Variants in LINGO2 observed in about 807,000 individuals in gnomAD.
The protein encoded by LINGO2 is leucine-rich repeat and immunoglobulin-like domain-containing nogo receptor-interacting protein 2.
In LINGO2, 14 loss-of-function variants were observed where a neutral mutation model predicts 30.6. That is an observed-to-expected ratio of 0.46 (90% CI 0.30 to 0.72). LINGO2 has a LOEUF of 0.72. LINGO2 is among the 30% of genes least tolerant of loss of function. The pLI, the probability that LINGO2 is intolerant of heterozygous loss-of-function variation, is 0.07. For synonymous variants in LINGO2, 317 were observed against 288.5 expected (o/e 1.10, Z -1.00); for missense variants, 729 against 751.7 (o/e 0.97, Z 0.35).
chr9:28,771,506 T>TGAGAGAGA, the LINGO2 span, among the ~76,000 whole-genome samples: 1 of 95,034 alleles, frequency 1.1e-5, no homozygotes, highest in African/African-American at 3.3e-5. Flanking sequence ...TGTGTGTGTG[T>TGAGAGAGA]GAGAGAGAGA....
At chr9:28,732,754 C>T in the LINGO2 span, among the ~76,000 whole-genome samples, 14 of 152,138 alleles carry the variant, frequency 9.2e-5, no homozygotes, top group African/African-American at 3.4e-4. Context: ...CTGTTGTTCT[C>T]GATATAATTG....
At chr9:28,267,381 G>T (rs959277669) in intron 4 of LINGO2, among the ~76,000 whole-genome samples, 2 of 151,732 alleles carry the variant, frequency 1.3e-5, no homozygotes, top group East Asian at 1.9e-4. Flanking sequence ...AAAACAAAAC[G>T]CAATAAAATA....
chr9:28,979,663 C>T, the LINGO2 span, among the ~76,000 whole-genome samples: 1 of 151,832 alleles, frequency 6.6e-6, no homozygotes, highest in Non-Finnish European at 1.5e-5. Flanking sequence ...CTATGCCATA[C>T]TCATATGAAA....
the LINGO2 span, among the ~76,000 whole-genome samples, chr9:29,130,380 C>G: frequency 2.6e-5 from 4 of 152,066 alleles, no homozygotes; most frequent in African/African-American, 7.2e-5. Context: ...CAAGGGGTTG[C>G]TGAGGTTCTC....
In LINGO2 at chr9:28,632,877, TATGTAGAGAGAGAG is replaced by T. The variant is rs1563879201; in HGVS notation, c.-365+37309_-365+37322del. Among the ~76,000 whole-genome samples the T allele has an allele frequency of 2.2e-3, 202 of 90,722 alleles. 4 individuals are homozygous for T. In the East Asian group the frequency reaches 0.034, roughly 15 times the overall value. 59.5% of individuals were successfully genotyped at this position (90,722 alleles called of 152,430 possible). A position where few individuals can be genotyped will look rare whatever the true frequency, so the allele number is the denominator to read the frequency against. On this transcript the variant is annotated intron_variant, in intron 1 of 5. Transcript: ENST00000379992. ...TTTTTTATATATATATATATATATA[TATGTAGAGAGAGAG>T]AGAGAGAGAGAGAGAGAGAGAGGAG...
chr9:28,784,587 C>T, the LINGO2 span, among the ~76,000 whole-genome samples: 1 of 152,104 alleles, frequency 6.6e-6, no homozygotes, highest in African/African-American at 2.4e-5. Context: ...TACAGAAAAA[C>T]TGTCCCTTAT....
chr9:28,056,129 C>T (rs953265526), intron 4 of LINGO2, among the ~76,000 whole-genome samples: 1 of 152,144 alleles, frequency 6.6e-6, no homozygotes, highest in African/African-American at 2.4e-5. Flanking sequence ...TACCGCCCTT[C>T]CTATTTATTG....
At chr9:28,441,223 A>AAGTATAGC (rs1824179269) in intron 2 of LINGO2, among the ~76,000 whole-genome samples, 1 of 137,006 alleles carries the variant, frequency 7.3e-6, no homozygotes, top group Non-Finnish European at 1.5e-5. Flanking sequence ...CCTTAGTCAC[A>AAGTATAGC]AGTATAGCAG....
chr9:28,387,171 C>T (rs1442971556), intron 2 of LINGO2, among the ~76,000 whole-genome samples: 2 of 151,946 alleles, frequency 1.3e-5, no homozygotes, highest in Non-Finnish European at 2.9e-5. Context: ...GTAAACACAC[C>T]AATCAGCACC....
chr9:28,754,243 T>C, the LINGO2 span, among the ~76,000 whole-genome samples: 3 of 152,080 alleles, frequency 2.0e-5, no homozygotes, highest in African/African-American at 7.3e-5. Flanking sequence ...GGGGATATTA[T>C]TGACATTTTA....
At chr9:28,055,644 T>C (rs984662704) in intron 4 of LINGO2, among the ~76,000 whole-genome samples, 15 of 151,470 alleles carry the variant, frequency 9.9e-5, no homozygotes, top group South Asian at 2.1e-4. Flanking sequence ...CGTCTTGCTA[T>C]TAAGTTTGTT....
the LINGO2 span, among the ~76,000 whole-genome samples, chr9:28,907,940 A>C: frequency 0.041 from 6,235 of 151,760 alleles, 195 homozygotes; most frequent in Admixed American, 0.082. Context: ...GGGATAAATG[A>C]ATGCCCAAAA....
chr9:27,962,876 T>A (rs573021187), intron 5 of LINGO2, among the ~76,000 whole-genome samples: 1 of 152,290 alleles, frequency 6.6e-6, no homozygotes, highest in African/African-American at 2.4e-5. Context: ...ATCAAAGGGA[T>A]TCTCAAGCAC....
intron 4 of LINGO2, among the ~76,000 whole-genome samples, chr9:28,013,148 T>C (rs1822644763): frequency 6.6e-6 from 1 of 152,218 alleles, no homozygotes; most frequent in African/African-American, 2.4e-5. Context: ...ACTGGGTCTC[T>C]AGTAACAATC....
the LINGO2 span, among the ~76,000 whole-genome samples, chr9:28,862,539 A>C: frequency 6.6e-6 from 1 of 152,154 alleles, no homozygotes; most frequent in Non-Finnish European, 1.5e-5. Flanking sequence ...AAAGTCACCC[A>C]ACCTTATAGA....
chr9:29,106,491 G>A, the LINGO2 span, among the ~76,000 whole-genome samples: 4 of 152,040 alleles, frequency 2.6e-5, no homozygotes, highest in Admixed American at 2.0e-4. Flanking sequence ...CTTATAAATC[G>A]AAGGTGTTGT....
chr9:28,781,892 C>T, the LINGO2 span, among the ~76,000 whole-genome samples: 422 of 152,258 alleles, frequency 2.8e-3, 4 homozygotes, highest in African/African-American at 9.5e-3. Flanking sequence ...TGTGTTTAAA[C>T]TCAATTTATT....
chr9:28,356,068 T>C (rs958067193), intron 3 of LINGO2, among the ~76,000 whole-genome samples: 5 of 152,300 alleles, frequency 3.3e-5, no homozygotes, highest in East Asian at 1.9e-4. Flanking sequence ...AAATAGATTA[T>C]GGAATTATCT....
chr9:28,626,894 A>G (rs1015993070), intron 1 of LINGO2, among the ~76,000 whole-genome samples: 8 of 151,778 alleles, frequency 5.3e-5, no homozygotes, highest in African/African-American at 1.9e-4. Flanking sequence ...AATATTGAGC[A>G]TGTTTATAGT....
Sources: allele counts gnomAD v4.1 joint callset (sites outside exome capture counted in the v4.1 genomes callset), GRCh38; gene constraint gnomAD v4.1.1; transcripts MANE v1.5; gene names NCBI Gene and HGNC (gene_info 2026-07-23, HGNC 2026-07-21).